KLHL14: variants seen among roughly 807,000 people sequenced by gnomAD.
KLHL14 encodes the protein kelch-like protein 14.
A neutral mutation model predicts 64.3 loss-of-function variants in KLHL14; 22 were observed. The observed-to-expected ratio is 0.34, with a 90% CI of 0.24 to 0.49. KLHL14 has a LOEUF of 0.49. KLHL14 is among the 20% of genes least tolerant of loss of function. The probability of loss-of-function intolerance (pLI) is 0.99; values close to 1 mark genes in which losing one functional copy is unlikely to be tolerated. For missense variants in KLHL14, 661 were observed against 789.0 expected, an observed-to-expected ratio of 0.84 and a Z score of 1.94; for synonymous variants, 322 against 333.4, an observed-to-expected ratio of 0.97 and a Z score of 0.37.
chr18:32,697,628 G>A (rs1168456990), intron 3 of KLHL14, among the ~76,000 whole-genome samples: 1 of 152,048 alleles, frequency 6.6e-6, no homozygotes, highest in Non-Finnish European at 1.5e-5. Context: ...TACAGTCTCT[G>A]AAAATAAAAT....
intron 2 of KLHL14, among the ~76,000 whole-genome samples, chr18:32,757,965 C>T (rs1277087572): frequency 2.0e-5 from 3 of 152,174 alleles, no homozygotes; most frequent in Admixed American, 2.0e-4. Flanking sequence ...AAGGTGGCCT[C>T]AGCTGTGATC....
chr18:32,676,148 A>C (rs2144461255), intron 8 of KLHL14, among the ~76,000 whole-genome samples: 1 of 152,320 alleles, frequency 6.6e-6, no homozygotes, highest in African/African-American at 2.4e-5. Context: ...CGAAAGAAAT[A>C]AATAAAGGAA....
chr18:32,759,112 A>C (rs965446638), intron 2 of KLHL14, among the ~76,000 whole-genome samples: 1 of 152,234 alleles, frequency 6.6e-6, no homozygotes, highest in African/African-American at 2.4e-5. Context: ...TATTAATTAC[A>C]TCTCAATAAA....
chr18:32,771,029 C>T, intron 1 of KLHL14: 2 of 354,024 alleles, frequency 5.6e-6, no homozygotes, highest in Non-Finnish European at 5.7e-6. Flanking sequence ...CCATGCCGGG[C>T]CAGATGAAGG....
intron 3 of KLHL14, among the ~76,000 whole-genome samples, chr18:32,726,663 TAAAA>T (rs2050109932): frequency 6.6e-6 from 1 of 151,902 alleles, no homozygotes; most frequent in South Asian, 2.1e-4. Flanking sequence ...TAAAATAAAA[TAAAA>T]TATTTTTCTC....
At chr18:32,696,963 A>G (rs1026427804) in intron 3 of KLHL14, among the ~76,000 whole-genome samples, 1 of 152,194 alleles carries the variant, frequency 6.6e-6, no homozygotes, top group African/African-American at 2.4e-5. Context: ...TACTGTAAAT[A>G]TGCATTGTTT....
At position 32,758,013 on chromosome 18, in the gene KLHL14, T is replaced by C. The variant is rs1568084233; in HGVS notation, c.947+11632A>G. Among the ~76,000 whole-genome samples the C allele has an allele frequency of 5.3e-5, 8 of 152,210 alleles. No homozygotes were observed. The South Asian group carries it at 1.7e-3, about 31-fold the overall frequency. ...GAAGCCCTATGATGCTTACAGGATA[T>C]TTATAACTTAATCATAAACAGACAC... On this transcript the variant is annotated intron_variant, in intron 2 of 8. Coordinates refer to ENST00000359358, the MANE Select transcript of KLHL14 (RefSeq NM_020805.3).
intron 3 of KLHL14, among the ~76,000 whole-genome samples, chr18:32,706,904 G>A (rs1260605450): frequency 1.3e-5 from 2 of 152,118 alleles, no homozygotes; most frequent in African/African-American, 4.8e-5. Context: ...AGGCTGGGGG[G>A]AAGCTGTCTG....
chr18:32,706,599 C>G (rs991366784), intron 3 of KLHL14, among the ~76,000 whole-genome samples: 1 of 152,058 alleles, frequency 6.6e-6, no homozygotes, highest in East Asian at 1.9e-4. Context: ...AGATACATAC[C>G]GGGTTATCTA....
chr18:32,714,887 C>CTT (rs67708920), intron 3 of KLHL14, among the ~76,000 whole-genome samples: 5 of 146,732 alleles, frequency 3.4e-5, no homozygotes, highest in Non-Finnish European at 7.5e-5. Context: ...TCTGGTGGTC[C>CTT]TTTTTTTTTT....
At position 32,739,969 on chromosome 18, in the gene KLHL14, G is replaced by A. The variant is rs540519644; in HGVS notation, c.1069+1959C>T. ...CTGCAACTTTTTGAGTGCATTCTATGTGCTAGATGATTTATAAACACAATT... is the reference window on the plus strand; with the variant it reads ...CTGCAACTTTTTGAGTGCATTCTATATGCTAGATGATTTATAAACACAATT... On this transcript the variant is annotated intron_variant, in intron 3 of 8. Coordinates refer to ENST00000359358, the MANE Select transcript of KLHL14 (RefSeq NM_020805.3). 2.6e-5 allele frequency among the ~76,000 whole-genome samples: 4 copies of A among 152,242 alleles called. No individual in the cohort carries two copies. In the East Asian group the frequency reaches 7.7e-4, roughly 29 times the overall value.
chr18:32,743,310 G>A (rs1283026712), intron 2 of KLHL14: 3 of 152,232 alleles, frequency 2.0e-5, no homozygotes, highest in Non-Finnish European at 4.4e-5. Flanking sequence ...ATTCAAGAAT[G>A]CTTGGCGAAG....
intron 7 of KLHL14, 145 bp from the exon 8 acceptor site, chr18:32,677,475 G>T: frequency 2.6e-6 from 2 of 762,616 alleles, no homozygotes; most frequent in African/African-American, 1.8e-5. Context: ...CACTGAGATT[G>T]GGAGAAATGT....
intron 8 of KLHL14, among the ~76,000 whole-genome samples, chr18:32,676,392 T>C (rs2049811535): frequency 1.3e-5 from 2 of 152,200 alleles, no homozygotes; most frequent in African/African-American, 4.8e-5. Flanking sequence ...TGATGAAATA[T>C]AAGAAAGACT....
chr18:32,680,230 T>C lies in KLHL14; in HGVS notation c.1527A>G (p.Ala509=), dbSNP rs1323043485. The C allele has an allele frequency of 3.1e-6, 5 of 1,613,876 alleles. No homozygotes were observed. Among genetic ancestry groups the C allele is most frequent in the Non-Finnish European group, 4.2e-6 (5 of 1,179,834 alleles). Residue 509 remains alanine (A), a synonymous_variant, in exon 7 of 9, where the codon GCA becomes GCG. Coordinates refer to ENST00000359358, the MANE Select transcript of KLHL14 (RefSeq NM_020805.3). The surrounding 1 kb of genome is among the most constrained non-coding windows in gnomAD (Gnocchi z 4.8). ...CATTCATTACAGCCAAAGTGTGAAT[T>C]GCACGTTTTGTGTTCATATCTTGTT... ...ARKQDMNTKR[A]IHTLAVMNDR...
intron 3 of KLHL14, among the ~76,000 whole-genome samples, chr18:32,727,558 C>T (rs2050114102): frequency 6.6e-6 from 1 of 152,150 alleles, no homozygotes; most frequent in Non-Finnish European, 1.5e-5. Flanking sequence ...CATTACACAT[C>T]CCCTTATCTG....
At chr18:32,772,532 T>G (rs2050395913) in intron 1 of KLHL14, 135 bp downstream of exon 1, 1 of 153,902 alleles carries the variant, frequency 6.5e-6, no homozygotes, top group African/African-American at 2.4e-5. Flanking sequence ...AGGAGTTTTT[T>G]CTTTATGAGC....
At chr18:32,766,921 A>T (rs1366492156) in intron 2 of KLHL14, among the ~76,000 whole-genome samples, 1 of 152,164 alleles carries the variant, frequency 6.6e-6, no homozygotes, top group Non-Finnish European at 1.5e-5. Flanking sequence ...TTCTATAGAT[A>T]ATATACTCTT....
intron 3 of KLHL14, among the ~76,000 whole-genome samples, chr18:32,708,147 A>T (rs2144497545): frequency 6.6e-6 from 1 of 152,230 alleles, no homozygotes; most frequent in South Asian, 2.1e-4. Context: ...GGATGGATGG[A>T]TGTATTTCTG....
Sources: allele counts gnomAD v4.1 joint callset (sites outside exome capture counted in the v4.1 genomes callset), GRCh38; gene constraint gnomAD v4.1.1; non-coding constraint Gnocchi (gnomAD v3.1); transcripts MANE v1.5; gene names NCBI Gene and HGNC (gene_info 2026-07-23, HGNC 2026-07-21).